The following ZC3HC1 variants were observed in gnomAD, a reference collection of about 807,000 sequenced individuals.
ZC3HC1 encodes zinc finger C3HC-type containing 1, also known as zinc finger C3HC-type protein 1.
ZC3HC1 carries 38 observed loss-of-function variants against 61.9 expected under a neutral mutation model. The ratio of observed to expected loss-of-function variants is 0.61; its 90% CI spans 0.47 to 0.81. ZC3HC1 has a LOEUF of 0.81. Ranked by LOEUF, ZC3HC1 falls within the 30% of genes least tolerant of loss-of-function variation. ZC3HC1 has a pLI of 0.00. For missense variants in ZC3HC1, 554 were observed against 622.7 expected (o/e 0.89, Z 1.17); for synonymous variants, 213 against 229.9 (o/e 0.93, Z 0.67).
intron 2 of ZC3HC1, among the ~76,000 whole-genome samples, chr7:130,047,603 C>G (rs911320848): frequency 6.7e-6 from 1 of 148,320 alleles, no homozygotes; most frequent in Non-Finnish European, 1.5e-5. Context: ...GCCAGGAGTT[C>G]GAGACCTGCC....
chr7:130,019,262 G>C (rs10278150), intron 9 of ZC3HC1, among the ~76,000 whole-genome samples: 1 of 151,840 alleles, frequency 6.6e-6, no homozygotes, highest in South Asian at 2.1e-4. Context: ...TGTTAGCCAG[G>C]ATGGTCTTGA....
At chr7:130,032,779 AGGG>A (rs1794270340) in intron 4 of ZC3HC1, among the ~76,000 whole-genome samples, 3 of 74,360 alleles carry the variant, frequency 4.0e-5, no homozygotes, top group Admixed American at 2.0e-4. Context: ...GAGGGAAGGG[AGGG>A]AGGGGAGGGA....
chr7:130,024,284 A>C lies in ZC3HC1; in HGVS notation c.999T>G (p.Thr333=), dbSNP rs1247637031. The change falls in exon 7 of 10, where the codon ACT becomes ACG. Residue 333 remains threonine, a synonymous_variant. Transcript: ENST00000358303. ...RRMMTRSQDA[T]FSPGSEQAEK... ...ATACCTGCTCTGAGCCTGGGGAGAA[A>C]GTGGCATCCTGGCTCCGGGTCATCA... 6.2e-7 allele frequency: 1 copy of C among 1,611,040 alleles called. No homozygotes were observed. Among genetic ancestry groups the C allele is most frequent in the Non-Finnish European group, 8.5e-7 (1 of 1,178,008 alleles).
intron 4 of ZC3HC1, among the ~76,000 whole-genome samples, chr7:130,033,167 G>A (rs1222104822): frequency 1.3e-5 from 2 of 152,016 alleles, no homozygotes; most frequent in Non-Finnish European, 2.9e-5. Context: ...CGAGTAGCTG[G>A]GAACACAGGT....
chr7:130,047,326 C>A (rs1794903949), intron 2 of ZC3HC1, among the ~76,000 whole-genome samples: 1 of 152,084 alleles, frequency 6.6e-6, no homozygotes, highest in Non-Finnish European at 1.5e-5. Context: ...AAACTCCTGA[C>A]CTCAGGTGAT....
chr7:130,046,106 A>T (rs907059402), intron 2 of ZC3HC1, among the ~76,000 whole-genome samples: 17 of 152,096 alleles, frequency 1.1e-4, no homozygotes, highest in Non-Finnish European at 2.1e-4. Context: ...ATGAGAACAC[A>T]TGGACACATG....
At chr7:130,022,134 G>A (rs1390883025) in intron 9 of ZC3HC1, among the ~76,000 whole-genome samples, 185 bp downstream of exon 9, 2 of 152,234 alleles carry the variant, frequency 1.3e-5, no homozygotes, top group Non-Finnish European at 2.9e-5. Flanking sequence ...TCGTGCCATT[G>A]GACTCCAGCC....
chr7:130,040,642 C>CAA (rs138001319), intron 3 of ZC3HC1, among the ~76,000 whole-genome samples: 2 of 136,352 alleles, frequency 1.5e-5, no homozygotes, highest in African/African-American at 5.4e-5. Context: ...CCCACCTCTA[C>CAA]AAAAAAAAAA....
chr7:130,021,231 C>T (rs1312437048), intron 9 of ZC3HC1, among the ~76,000 whole-genome samples: 1 of 152,116 alleles, frequency 6.6e-6, no homozygotes, highest in Non-Finnish European at 1.5e-5. Flanking sequence ...TTTAGCATTA[C>T]TATAGTTCCC....
intron 9 of ZC3HC1, among the ~76,000 whole-genome samples, chr7:130,019,123 G>A (rs554710295): frequency 6.8e-6 from 1 of 147,734 alleles, no homozygotes; most frequent in Non-Finnish European, 1.5e-5. Flanking sequence ...GCGCAATCTC[G>A]GCTCACTGCA....
intron 4 of ZC3HC1, among the ~76,000 whole-genome samples, chr7:130,033,274 T>C (rs750440851): frequency 6.6e-6 from 1 of 152,068 alleles, no homozygotes; most frequent in Non-Finnish European, 1.5e-5. Context: ...ACTCAAGCAA[T>C]CTGCCCACTT....
At chr7:130,032,383 T>C (rs1271486028) in intron 4 of ZC3HC1, among the ~76,000 whole-genome samples, 5 of 151,690 alleles carry the variant, frequency 3.3e-5, no homozygotes, top group African/African-American at 7.3e-5. Flanking sequence ...CAGTTGCTCA[T>C]GACTGTAATC....
At chr7:130,022,981 C>T (rs905934485) in intron 8 of ZC3HC1, 1 of 188,096 alleles carries the variant, frequency 5.3e-6, no homozygotes, top group African/African-American at 2.4e-5. Flanking sequence ...TCTGACACCT[C>T]ATGATCTGTC....
chr7:130,040,935 T>G lies in ZC3HC1; in HGVS notation c.409+16A>C. 1 of 1,599,544 alleles carries G rather than the reference T, an allele frequency of 6.3e-7. No individual in the cohort carries two copies. The highest frequency in any genetic ancestry group is 8.5e-7 in the Non-Finnish European group (1 of 1,175,180). On this transcript the variant is annotated intron_variant, in intron 3 of 9. Coordinates refer to ENST00000358303, the MANE Select transcript of ZC3HC1 (RefSeq NM_016478.5). Reference sequence around the variant, plus strand: ...TTTGAGTGTGGAGAAAAATGTAATTTGTACCTTATACTTACATCTGTCAAA... The same window carrying G: ...TTTGAGTGTGGAGAAAAATGTAATTGGTACCTTATACTTACATCTGTCAAA...
Position 130,023,136 on chromosome 7 carries a change from C to T in ZC3HC1, c.1233+375G>A, listed in dbSNP as rs1283545720. ...AATAATAGAAATAAAGTACACAATA[C>T]ATGTAATGTGCTCGTATCATCCCGA... On this transcript the variant is annotated intron_variant, in intron 8 of 9. Coordinates refer to ENST00000358303, the MANE Select transcript of ZC3HC1 (RefSeq NM_016478.5). This position sits in a 1 kb window ranked among gnomAD's most constrained non-coding sequence, Gnocchi z 4.2. The T allele has an allele frequency of 9.3e-6, 2 of 215,820 alleles. No homozygotes were observed. The highest frequency in any genetic ancestry group is 4.6e-5 in the African/African-American group (2 of 43,760). 13.4% of individuals were successfully genotyped at this position (215,820 alleles called of 1,614,324 possible).
In ZC3HC1 at chr7:130,024,257, G is replaced by A. The variant is rs745443528; in HGVS notation, c.1020+6C>T. The A allele has an allele frequency of 7.5e-6, 12 of 1,590,936 alleles. No homozygotes were observed. In the East Asian group the frequency reaches 2.2e-4, roughly 30 times the overall value. On this transcript the variant is annotated splice_donor_region_variant and intron_variant, in intron 7 of 9. Coordinates refer to ENST00000358303, the MANE Select transcript of ZC3HC1 (RefSeq NM_016478.5). ...AAATTCCACCCCAAATAAGCTAAGT[G>A]AATACCTGCTCTGAGCCTGGGGAGA...
At position 130,023,400 on chromosome 7, in the gene ZC3HC1, T is replaced by A; in HGVS notation, c.1233+111A>T. On this transcript the variant is annotated intron_variant, in intron 8 of 9. Transcript: ENST00000358303. This position sits in a 1 kb window ranked among gnomAD's most constrained non-coding sequence, Gnocchi z 4.2. ...CAACTTTAAATTTATTCACATGGTCTACTTTTTGCATTGGACCACGGAAGG... is the reference window on the plus strand; with the variant it reads ...CAACTTTAAATTTATTCACATGGTCAACTTTTTGCATTGGACCACGGAAGG... The A allele has an allele frequency of 3.9e-6, 4 of 1,018,824 alleles. No individual in the cohort carries two copies. The highest frequency in any genetic ancestry group is 5.8e-6 in the Non-Finnish European group (4 of 688,164). The allele number at this position is 1,018,824 out of a possible 1,614,324, so 63.1% of individuals were successfully genotyped here.
chr7:130,028,773 G>C (rs1332046404), intron 5 of ZC3HC1, 129 bp downstream of exon 5: 2 of 1,267,396 alleles, frequency 1.6e-6, no homozygotes, highest in African/African-American at 3.0e-5. Flanking sequence ...AGACTGAAAA[G>C]GTCAGATGAG....
At chr7:130,042,570 G>A (rs117555790) in intron 2 of ZC3HC1, among the ~76,000 whole-genome samples, 2,390 of 152,286 alleles carry the variant, frequency 0.016, 32 homozygotes, top group Middle Eastern at 0.024. Flanking sequence ...TAGTATCAAT[G>A]GGGATGTGTG....
Sources: gnomAD v4.1 joint callset for allele counts (sites outside exome capture counted in the v4.1 genomes callset) on GRCh38, gnomAD v4.1.1 for gene constraint, Gnocchi (gnomAD v3.1) non-coding constraint, MANE v1.5 for transcripts, NCBI Gene and HGNC (gene_info 2026-07-23, HGNC 2026-07-21) for gene names.